RTN4: variants seen among roughly 807,000 people sequenced by gnomAD.
The protein encoded by RTN4 is reticulon-4.
RTN4 carries 32 observed loss-of-function variants against 90.4 expected under a neutral mutation model. The observed-to-expected ratio is 0.35, with a 90% CI of 0.27 to 0.48. The LOEUF is 0.48. Ranked by LOEUF, RTN4 falls within the 20% of genes least tolerant of loss-of-function variation. The pLI, the probability that RTN4 is intolerant of heterozygous loss-of-function variation, is 0.99. For missense variants in RTN4, 1,706 were observed against 1,430.2 expected (o/e 1.19, Z -3.11); for synonymous variants, 629 against 552.5 (o/e 1.14, Z -1.94).
At chr2:55,112,787 T>C (rs1330732320), upstream of RTN4, among the ~76,000 whole-genome samples, 1 of 152,268 alleles carries the variant, frequency 6.6e-6, no homozygotes. Flanking sequence ...ATTTTCATTG[T>C]CCTTGCCACT....
intron 3 of RTN4, among the ~76,000 whole-genome samples, chr2:54,999,079 G>T (rs991327794): frequency 3.3e-5 from 5 of 152,034 alleles, no homozygotes; most frequent in Non-Finnish European, 5.9e-5. Context: ...TAAAAATAAT[G>T]TTCATCAATT....
intron 3 of RTN4, among the ~76,000 whole-genome samples, chr2:54,997,483 C>G (rs1007282577): frequency 1.1e-4 from 16 of 152,132 alleles, no homozygotes; most frequent in Non-Finnish European, 2.1e-4. Context: ...TATCTTATTA[C>G]CTGGCAATTC....
intron 1 of RTN4, among the ~76,000 whole-genome samples, chr2:55,045,051 A>G (rs1037092998): frequency 7.9e-5 from 12 of 152,194 alleles, no homozygotes; most frequent in Non-Finnish European, 2.9e-5. Flanking sequence ...TATTTAAACC[A>G]TATGTCACTC....
At chr2:55,070,243 C>T (rs1432542967) in intron 2 of RTN4, among the ~76,000 whole-genome samples, 2 of 152,030 alleles carry the variant, frequency 1.3e-5, no homozygotes, top group Non-Finnish European at 2.9e-5. Context: ...GTAATACACC[C>T]TTCCCCAAAT....
intron 1 of RTN4, among the ~76,000 whole-genome samples, chr2:55,047,930 TGAACAGGGG>T (rs142961919): frequency 1.1e-3 from 167 of 152,338 alleles, no homozygotes; most frequent in Non-Finnish European, 2.1e-3. Flanking sequence ...CATGCCTCGC[TGAACAGGGG>T]GAACAGGATC....
chr2:54,994,641 T>C (rs1679274420), intron 3 of RTN4, among the ~76,000 whole-genome samples: 3 of 152,154 alleles, frequency 2.0e-5, no homozygotes, highest in African/African-American at 7.2e-5. Context: ...TAAAAATCTT[T>C]CCCCCTAAGA....
intron 1 of RTN4, among the ~76,000 whole-genome samples, chr2:55,094,963 C>T (rs1669004444): frequency 6.6e-6 from 1 of 152,196 alleles, no homozygotes; most frequent in Admixed American, 6.5e-5. Flanking sequence ...TCCTACTCCA[C>T]ACAAGTCCTC....
At chr2:55,086,409 C>T (rs1668838685) in intron 1 of RTN4, among the ~76,000 whole-genome samples, 2 of 151,884 alleles carry the variant, frequency 1.3e-5, no homozygotes, top group Non-Finnish European at 2.9e-5. Flanking sequence ...ACCTGTAATC[C>T]CAGAACGTTG....
chr2:54,984,826 C>T (rs1049260126), intron 4 of RTN4, among the ~76,000 whole-genome samples: 1 of 152,104 alleles, frequency 6.6e-6, no homozygotes, highest in South Asian at 2.1e-4. Flanking sequence ...GTGTTTCTAG[C>T]CAGGCACAGT....
At chr2:54,990,771 C>G (rs112334548) in intron 3 of RTN4, among the ~76,000 whole-genome samples, 129 of 151,974 alleles carry the variant, frequency 8.5e-4, no homozygotes, top group Non-Finnish European at 1.6e-3. Flanking sequence ...TAAGGTGTAC[C>G]TCAAATATAT....
the RTN4 span, among the ~76,000 whole-genome samples, chr2:55,127,376 A>C: frequency 0.62 from 93,571 of 151,972 alleles, 29,018 homozygotes; most frequent in African/African-American, 0.68. Context: ...ATAGGATTTT[A>C]CTCTGGTCCT....
intron 1 of RTN4, chr2:55,049,448 T>TGG (rs1156528889): frequency 2.9e-5 from 13 of 443,920 alleles, no homozygotes; most frequent in Non-Finnish European, 4.7e-5. Context: ...CTACTACGGG[T>TGG]GGGTGCCTAA....
At chr2:55,102,512 CAT>C (rs1012210870) in intron 1 of RTN4, among the ~76,000 whole-genome samples, 14 of 152,166 alleles carry the variant, frequency 9.2e-5, no homozygotes, top group Admixed American at 2.6e-4. Context: ...ATAATTTTCA[CAT>C]GTCATTTTTC....
chr2:55,033,207 T>G (rs1042844945), intron 1 of RTN4, among the ~76,000 whole-genome samples: 1 of 151,808 alleles, frequency 6.6e-6, no homozygotes, highest in Non-Finnish European at 1.5e-5. Context: ...AAATCAAAGA[T>G]AGAGACAACC....
At chr2:55,022,930 C>CACACACACACACACACACACA (rs1036253097) in intron 3 of RTN4, among the ~76,000 whole-genome samples, 22 of 150,286 alleles carry the variant, frequency 1.5e-4, no homozygotes, top group South Asian at 8.4e-4. Flanking sequence ...CACACACACA[C>CACACACACACACACACACACA]CCTGCTCTCC....
In RTN4 at chr2:55,095,044, CTG is replaced by C. The variant is rs1214169260; in HGVS notation, c.-213-14407_-213-14406del. Among the ~76,000 whole-genome samples the C allele has an allele frequency of 1.4e-4, 21 of 152,278 alleles. No homozygotes were observed. In the East Asian group the frequency reaches 4.0e-3, roughly 29 times the overall value. ...GCAATATCCAAATACCATAATAAGG[CTG>C]GGCGCGGTGGCTCACACCTGTAATC... On this transcript the variant is annotated intron_variant, in intron 1 of 3. Transcript: ENST00000427710.
the RTN4 span, among the ~76,000 whole-genome samples, chr2:55,118,422 A>G: frequency 6.6e-6 from 1 of 151,860 alleles, no homozygotes; most frequent in African/African-American, 2.4e-5. Flanking sequence ...CTGTGTTCAC[A>G]CCATTTCACT....
chr2:55,063,453 T>A (rs1668335708), intron 2 of RTN4, among the ~76,000 whole-genome samples: 1 of 151,934 alleles, frequency 6.6e-6, no homozygotes, highest in Admixed American at 6.6e-5. Flanking sequence ...TGGAACTTAA[T>A]GACACCAGAT....
At position 55,092,203 on chromosome 2, in the gene RTN4, GA is replaced by G. The variant is rs1382460856; in HGVS notation, c.-213-11565del. ...AGACCATGACTTAAAAAAAAAAAAGGAAGCTCAATGAAGGGAGAGATTTTTT... is the reference window on the plus strand; with the variant it reads ...AGACCATGACTTAAAAAAAAAAAAGGAGCTCAATGAAGGGAGAGATTTTTT... On this transcript the variant is annotated intron_variant, in intron 1 of 3. Transcript: ENST00000427710. Among the ~76,000 whole-genome samples, 309 of 147,298 alleles carry G rather than the reference GA, an allele frequency of 2.1e-3. 1 individual carries two copies. The highest frequency in any genetic ancestry group is 7.2e-3 in the African/African-American group (287 of 39,976).
Sources: allele counts gnomAD v4.1 joint callset (sites outside exome capture counted in the v4.1 genomes callset), GRCh38; gene constraint gnomAD v4.1.1; transcripts MANE v1.5; gene names NCBI Gene and HGNC (gene_info 2026-07-23, HGNC 2026-07-21).